The following MYO5B variants were observed in gnomAD, a reference collection of about 807,000 sequenced individuals.
MYO5B encodes the protein unconventional myosin-Vb.
MYO5B carries 143 observed loss-of-function variants against 229.3 expected under a neutral mutation model. The observed-to-expected ratio is 0.62, with a 90% confidence interval of 0.54 to 0.72. MYO5B has a LOEUF of 0.72. Ranked by LOEUF, MYO5B falls within the 30% of genes least tolerant of loss-of-function variation. The pLI, the probability that MYO5B is intolerant of heterozygous loss-of-function variation, is 0.00. For missense variants in MYO5B, 2,321 were observed against 2,331.0 expected (o/e 1.00, Z 0.09); for synonymous variants, 918 against 885.2 (o/e 1.04, Z -0.66).
intron 14 of MYO5B, among the ~76,000 whole-genome samples, chr18:49,938,934 T>C (rs8095684): frequency 0.2 from 29,654 of 151,544 alleles, 3,683 homozygotes; most frequent in African/African-American, 0.35. Context: ...TGTGGTGTCC[T>C]GGGACACCCT....
At chr18:50,040,559 C>G (rs574930329) in intron 2 of MYO5B, among the ~76,000 whole-genome samples, 171 of 152,310 alleles carry the variant, frequency 1.1e-3, no homozygotes, top group African/African-American at 3.9e-3. Context: ...AGAGAGTGTT[C>G]TATTGCTTCT....
rs562302665 is a variant in MYO5B at position 50,061,193 on chromosome 18, G to A, written c.28-5815C>T. On this transcript the variant is annotated intron_variant, in intron 1 of 39. Transcript: ENST00000285039. ...GCGGGCTCTAGAGTCAAACAGCTTC[G>A]GAGAGGAATTCTAACCACCATTTAT... is the stretch of plus-strand genomic sequence containing the variant. 1.9e-4 allele frequency among the ~76,000 whole-genome samples: 29 copies of A among 152,268 alleles called. No individual in the cohort carries two copies. In the South Asian group the frequency reaches 5.0e-3, roughly 26 times the overall value.
intron 2 of MYO5B, among the ~76,000 whole-genome samples, chr18:50,054,113 T>C (rs2030478886): frequency 6.6e-6 from 1 of 152,184 alleles, no homozygotes; most frequent in South Asian, 2.1e-4. Context: ...CCTCCTTCCC[T>C]TTCCTGGAAC....
At chr18:49,864,495 T>C in intron 27 of MYO5B, 115 bp from the exon 28 acceptor site, 2 of 1,429,114 alleles carry the variant, frequency 1.4e-6, no homozygotes, top group Middle Eastern at 1.8e-4. Context: ...TCTTTAAACG[T>C]TGACACACAT....
At chr18:50,070,512 A>G (rs2030931378) in intron 1 of MYO5B, among the ~76,000 whole-genome samples, 2 of 151,876 alleles carry the variant, frequency 1.3e-5, no homozygotes, top group Non-Finnish European at 2.9e-5. Context: ...ACTGGCATCT[A>G]GTAGGTAGAG....
intron 22 of MYO5B, among the ~76,000 whole-genome samples, chr18:49,886,171 C>T (rs1345233594): frequency 6.6e-6 from 1 of 152,162 alleles, no homozygotes; most frequent in East Asian, 1.9e-4. Flanking sequence ...AACTCTTGGG[C>T]TCAAGTGATT....
chr18:49,886,296 T>C (rs1469557328), intron 22 of MYO5B, among the ~76,000 whole-genome samples: 1 of 152,190 alleles, frequency 6.6e-6, no homozygotes, highest in Non-Finnish European at 1.5e-5. Context: ...TCAATCTTTC[T>C]TTCCCTTCAA....
chr18:49,924,792 T>G (rs1428954492), intron 17 of MYO5B, among the ~76,000 whole-genome samples: 1 of 152,204 alleles, frequency 6.6e-6, no homozygotes, highest in Non-Finnish European at 1.5e-5. Flanking sequence ...CTCACTTCCT[T>G]GTCTGTGTCT....
intron 1 of MYO5B, among the ~76,000 whole-genome samples, chr18:50,086,617 C>G (rs1411888239): frequency 6.6e-6 from 1 of 152,136 alleles, no homozygotes; most frequent in South Asian, 2.1e-4. Context: ...ACTGGAGACA[C>G]GGAGAAATTA....
At chr18:49,972,980 C>T (rs2025706958) in intron 10 of MYO5B, among the ~76,000 whole-genome samples, 1 of 152,116 alleles carries the variant, frequency 6.6e-6, no homozygotes, top group Non-Finnish European at 1.5e-5. Flanking sequence ...CCCAAAGATG[C>T]CTCCCTCACT....
Position 49,863,343 on chromosome 18 carries a change from T to TA in MYO5B, c.3844-17dup, listed in dbSNP as rs1288943710. 1.9e-6 allele frequency: 3 copies of TA among 1,609,318 alleles called. No individual in the cohort carries two copies. The highest frequency in any genetic ancestry group is 2.2e-5 in the East Asian group (1 of 44,846). ...TGTTCGGCTCCTAGAAAGCCCCAGA[T>TA]AAAAAAATAACTCTGGTTAAACAAT... On this transcript the variant is annotated splice_polypyrimidine_tract_variant and intron_variant, in intron 28 of 39. Transcript: ENST00000285039.
At chr18:50,191,368 G>A (rs1037341742) in intron 1 of MYO5B, among the ~76,000 whole-genome samples, 2 of 152,192 alleles carry the variant, frequency 1.3e-5, no homozygotes, top group East Asian at 1.9e-4. Flanking sequence ...TATTTGTTTG[G>A]GATTAATTAT....
intron 17 of MYO5B, 37 bp downstream of exon 17, chr18:49,929,475 G>C (rs1223897153): frequency 1.3e-6 from 2 of 1,556,616 alleles, no homozygotes; most frequent in Admixed American, 3.6e-5. Context: ...CTGCTCTAGG[G>C]CAGCCCCAGG....
At chr18:50,012,974 G>A (rs1343446139) in intron 4 of MYO5B, among the ~76,000 whole-genome samples, 1 of 152,218 alleles carries the variant, frequency 6.6e-6, no homozygotes, top group Non-Finnish European at 1.5e-5. Context: ...GATAATTCAT[G>A]TAACTGTGGA....
intron 29 of MYO5B, among the ~76,000 whole-genome samples, chr18:49,857,988 T>C (rs543732422): frequency 2.4e-4 from 36 of 152,166 alleles, no homozygotes; most frequent in Non-Finnish European, 4.4e-4. Context: ...AAGAACTGCA[T>C]CCAAACAGCC....
intron 1 of MYO5B, among the ~76,000 whole-genome samples, chr18:50,063,476 GACAGAGA>G (rs1399157694): frequency 6.6e-6 from 1 of 152,120 alleles, no homozygotes; most frequent in African/African-American, 2.4e-5. Context: ...TCTCTTAAAT[GACAGAGA>G]ACTAGGGTAT....
chr18:50,120,882 C>A lies in MYO5B; in HGVS notation c.28-65504G>T, dbSNP rs186053824. 4.1e-4 allele frequency among the ~76,000 whole-genome samples: 63 copies of A among 152,266 alleles called. 1 individual carries two copies. Among genetic ancestry groups the A allele is most frequent in the Admixed American group, 2.3e-3 (35 of 15,300 alleles). On this transcript the variant is annotated intron_variant, in intron 1 of 39. Coordinates refer to ENST00000285039, the MANE Select transcript of MYO5B (RefSeq NM_001080467.3). ...TAGATGGTGAAAGCTGACCTGCACG[C>A]CATTTAAAAGGCTTCCAATGTTTCA...
At chr18:50,148,972 C>A (rs1056038300) in intron 1 of MYO5B, among the ~76,000 whole-genome samples, 88 of 151,890 alleles carry the variant, frequency 5.8e-4, no homozygotes, top group African/African-American at 2.0e-3. Context: ...AGCTGATAAG[C>A]AACTTCAGCA....
Position 50,117,451 on chromosome 18 carries a change from A to G in MYO5B, c.28-62073T>C, listed in dbSNP as rs1247378376. On this transcript the variant is annotated intron_variant, in intron 1 of 39. Transcript: ENST00000285039. Reference sequence around the variant, plus strand: ...CCTCCATGATCTCTAAGCACAGCAGAAGACATTAGTTATGGAATTTTCAAA... The same window carrying G: ...CCTCCATGATCTCTAAGCACAGCAGGAGACATTAGTTATGGAATTTTCAAA... Among the ~76,000 whole-genome samples, 3 of 152,150 alleles carry G rather than the reference A, an allele frequency of 2.0e-5. No individual in the cohort carries two copies. In the East Asian group the frequency reaches 5.8e-4, roughly 29 times the overall value.
Sources: gnomAD v4.1 joint callset for allele counts (sites outside exome capture counted in the v4.1 genomes callset) on GRCh38, gnomAD v4.1.1 for gene constraint, MANE v1.5 for transcripts, NCBI Gene and HGNC (gene_info 2026-07-23, HGNC 2026-07-21) for gene names.